The following MACROD2 variants were observed in gnomAD, a reference collection of about 807,000 sequenced individuals.
MACROD2 encodes mono-ADP ribosylhydrolase 2.
In MACROD2, 36 loss-of-function variants were observed where a neutral mutation model predicts 70.4. The ratio of observed to expected loss-of-function variants is 0.51; its 90% CI spans 0.39 to 0.68. The LOEUF (loss-of-function observed/expected upper bound fraction) is 0.68, where lower values mean the gene tolerates loss of function less well. Ranked by LOEUF, MACROD2 falls within the 30% of genes least tolerant of loss-of-function variation. The pLI, the probability that MACROD2 is intolerant of heterozygous loss-of-function variation, is 0.00. For synonymous variants in MACROD2, 172 were observed against 178.8 expected (o/e 0.96, Z 0.30); for missense variants, 496 against 538.4 (o/e 0.92, Z 0.78).
At chr20:15,397,770 T>C (rs146029175) in intron 6 of MACROD2, among the ~76,000 whole-genome samples, 95 of 152,288 alleles carry the variant, frequency 6.2e-4, no homozygotes, top group Non-Finnish European at 1.1e-3. Context: ...GTACATCATG[T>C]TGGGAATTTT....
At chr20:15,592,458 C>T (rs1472392358) in intron 8 of MACROD2, among the ~76,000 whole-genome samples, 2 of 152,188 alleles carry the variant, frequency 1.3e-5, no homozygotes, top group Non-Finnish European at 2.9e-5. Flanking sequence ...AGGCCTGCAA[C>T]ATATGGACTG....
chr20:15,119,215 C>A (rs770799176), intron 5 of MACROD2, among the ~76,000 whole-genome samples: 3 of 152,176 alleles, frequency 2.0e-5, no homozygotes, highest in African/African-American at 4.8e-5. Context: ...CAGCTTACTT[C>A]GTAAGTTTTG....
At chr20:15,220,820 C>A (rs1418075642) in intron 5 of MACROD2, among the ~76,000 whole-genome samples, 2 of 152,196 alleles carry the variant, frequency 1.3e-5, no homozygotes, top group African/African-American at 4.8e-5. Context: ...CAGAAAAGCA[C>A]AGACCTGTTT....
chr20:15,388,034 G>A (rs954884422), intron 6 of MACROD2, among the ~76,000 whole-genome samples: 9 of 152,084 alleles, frequency 5.9e-5, no homozygotes, highest in Non-Finnish European at 1.3e-4. Context: ...GTTTTAAACT[G>A]TTAGTGGAGG....
intron 8 of MACROD2, among the ~76,000 whole-genome samples, chr20:15,654,651 T>C (rs1416467151): frequency 6.6e-6 from 1 of 152,210 alleles, no homozygotes; most frequent in Non-Finnish European, 1.5e-5. Context: ...AGCTAAGCTG[T>C]CCCAGAGTTC....
chr20:14,839,210 T>C (rs1242749148), intron 5 of MACROD2, among the ~76,000 whole-genome samples: 1 of 152,016 alleles, frequency 6.6e-6, no homozygotes, highest in Non-Finnish European at 1.5e-5. Context: ...TCAGTAGCAA[T>C]AAAATTCTCT....
intron 6 of MACROD2, among the ~76,000 whole-genome samples, chr20:15,423,567 C>T (rs1431865265): frequency 6.6e-6 from 1 of 151,110 alleles, no homozygotes; most frequent in African/African-American, 2.4e-5. Context: ...TGGTGTCTGT[C>T]AAGAGCTCTT....
At chr20:15,751,867 G>A (rs569049238) in intron 8 of MACROD2, among the ~76,000 whole-genome samples, 1 of 150,622 alleles carries the variant, frequency 6.6e-6, no homozygotes, top group South Asian at 2.1e-4. Flanking sequence ...TGTTAGATGC[G>A]TATGTCAGAG....
At chr20:15,743,681 C>T (rs1311321107) in intron 8 of MACROD2, among the ~76,000 whole-genome samples, 1 of 152,090 alleles carries the variant, frequency 6.6e-6, no homozygotes, top group Admixed American at 6.5e-5. Flanking sequence ...CCTGGAGTGC[C>T]CCTCGCTGCA....
At chr20:14,196,033 A>C (rs541460036) in intron 3 of MACROD2, among the ~76,000 whole-genome samples, 63 of 152,258 alleles carry the variant, frequency 4.1e-4, no homozygotes, top group African/African-American at 1.2e-3. Flanking sequence ...TCAGCTGTAA[A>C]CATTCACCCC....
intron 3 of MACROD2, among the ~76,000 whole-genome samples, chr20:14,211,181 G>A (rs1570485): frequency 0.48 from 73,452 of 151,992 alleles, 20,747 homozygotes; most frequent in Non-Finnish European, 0.62. Flanking sequence ...GCAAAGAAGA[G>A]TGGTTAGCAA....
chr20:14,634,871 G>A (rs1263200273), intron 4 of MACROD2, among the ~76,000 whole-genome samples: 2 of 152,140 alleles, frequency 1.3e-5, no homozygotes, highest in Non-Finnish European at 2.9e-5. Flanking sequence ...TTCTTGCAAG[G>A]GAGAGAATAA....
At chr20:15,535,253 G>A (rs977104624) in intron 8 of MACROD2, among the ~76,000 whole-genome samples, 1 of 152,020 alleles carries the variant, frequency 6.6e-6, no homozygotes, top group African/African-American at 2.4e-5. Context: ...TGGGATTACA[G>A]GCATGAGCCA....
At chr20:15,631,757 G>T (rs1358169840) in intron 8 of MACROD2, among the ~76,000 whole-genome samples, 2 of 152,090 alleles carry the variant, frequency 1.3e-5, no homozygotes, top group African/African-American at 4.8e-5. Context: ...GAACCACTTG[G>T]AGAGCTTTAA....
intron 8 of MACROD2, among the ~76,000 whole-genome samples, chr20:15,653,323 A>G (rs1460831417): frequency 1.3e-5 from 2 of 152,218 alleles, no homozygotes; most frequent in Admixed American, 6.5e-5. Flanking sequence ...CATGATTTCT[A>G]TTATCAGAGA....
intron 3 of MACROD2, among the ~76,000 whole-genome samples, chr20:14,395,517 C>T (rs2083571954): frequency 6.6e-6 from 1 of 151,874 alleles, no homozygotes; most frequent in South Asian, 2.1e-4. Flanking sequence ...TTACCAATCA[C>T]ATTGATCTTC....
chr20:14,634,875 A>G (rs748507001), intron 4 of MACROD2, among the ~76,000 whole-genome samples: 1 of 152,278 alleles, frequency 6.6e-6, no homozygotes, highest in Non-Finnish European at 1.5e-5. Flanking sequence ...TGCAAGGGAG[A>G]GAATAAAAAG....
intron 6 of MACROD2, among the ~76,000 whole-genome samples, chr20:15,239,109 A>G (rs184285270): frequency 4.7e-4 from 71 of 152,176 alleles, no homozygotes; most frequent in African/African-American, 1.6e-3. Flanking sequence ...CAATTTTGGC[A>G]TATATCTAGA....
At chr20:14,678,380 A>T (rs959743876) in intron 4 of MACROD2, among the ~76,000 whole-genome samples, 10 of 152,200 alleles carry the variant, frequency 6.6e-5, no homozygotes, top group African/African-American at 2.4e-4. Flanking sequence ...GCTTTGGTGA[A>T]CAAACAGCAG....
Sources: allele counts gnomAD v4.1 joint callset (sites outside exome capture counted in the v4.1 genomes callset), GRCh38; gene constraint gnomAD v4.1.1; transcripts MANE v1.5; gene names NCBI Gene and HGNC (gene_info 2026-07-23, HGNC 2026-07-21).